TYMS: variants seen among roughly 807,000 people sequenced by gnomAD.
The protein encoded by TYMS is thymidylate synthetase.
In TYMS, 21 loss-of-function variants were observed where a neutral mutation model predicts 39.3. The ratio of observed to expected loss-of-function variants is 0.54; its 90% CI spans 0.38 to 0.77. The LOEUF (loss-of-function observed/expected upper bound fraction) is 0.77. Ranked by LOEUF, TYMS falls within the 30% of genes least tolerant of loss-of-function variation. The pLI, the probability that TYMS is intolerant of heterozygous loss-of-function variation, is 0.00. For synonymous variants in TYMS, 171 were observed against 162.2 expected, an observed-to-expected ratio of 1.05 and a Z score of -0.41; for missense variants, 273 against 406.7, an observed-to-expected ratio of 0.67 and a Z score of 2.83.
Position 657,795 on chromosome 18 carries a change from A to G in TYMS, c.53A>G (p.Gln18Arg), listed in dbSNP as rs1244183309. 9 of 1,459,304 alleles carry G rather than the reference A, an allele frequency of 6.2e-6. No individual in the cohort carries two copies. The African/African-American group carries it at 1.4e-4, about 22-fold the overall frequency. The allele number at this position is 1,459,304 out of a possible 1,614,324, so 90.4% of individuals were successfully genotyped here. The change falls in exon 1 of 7, where the codon CAG (glutamine) becomes CGG (arginine). Residue 18 changes from glutamine (Q) to arginine (R), a missense_variant. Physicochemically the swap from Gln to Arg is conservative, Grantham distance 43. Coordinates refer to ENST00000323274, the MANE Select transcript of TYMS (RefSeq NM_001071.4). ...LPRRPLPPAA[Q>R]ERDAEPRPPH... is the part of the protein sequence containing the mutation. ...CGCCGGCCCTTGCCCCCCGCCGCACAGGAGCGGGACGCCGAGCCGCGTCCG... is the reference window on the plus strand; with the variant it reads ...CGCCGGCCCTTGCCCCCCGCCGCACGGGAGCGGGACGCCGAGCCGCGTCCG...
At chr18:666,974 GAGATGGA>G (rs1567989679) in intron 3 of TYMS, among the ~76,000 whole-genome samples, 10 of 8,626 alleles carry the variant, frequency 1.2e-3, no homozygotes, top group Non-Finnish European at 2.4e-3. Context: ...GATGGTGATG[GAGATGGA>G]GATGGTGATG....
chr18:666,891 A>AGATGGTGATGGTGATGGAGATGGTGATGG (rs140212927), intron 3 of TYMS, among the ~76,000 whole-genome samples: 2 of 62,146 alleles, frequency 3.2e-5, no homozygotes, highest in Admixed American at 1.3e-4. Flanking sequence ...AAAGTTCGGG[A>AGATGGTGATGGTGATGGAGATGGTGATGG]GATGGTGATG....
intron 3 of TYMS, 77 bp from the exon 4 acceptor site, chr18:668,995 T>C (rs2074922001): frequency 1.6e-6 from 2 of 1,218,390 alleles, no homozygotes; most frequent in Admixed American, 1.8e-5. Context: ...GAGACTGTAA[T>C]AGATGACCTC....
rs1300447329 is a variant in TYMS, at chr18:669,104, A to G, written c.487A>G (p.Arg163Gly). 2 of 1,614,230 alleles carry G rather than the reference A, an allele frequency of 1.2e-6. No individual in the cohort carries two copies. Among genetic ancestry groups the G allele is most frequent in the Non-Finnish European group, 1.7e-6 (2 of 1,180,024 alleles). The change falls in exon 4 of 7, where the codon AGA (arginine) becomes GGA (glycine). Residue 163 changes from arginine to glycine, a missense_variant. Arg to Gly is a moderately radical substitution (Grantham distance 125, BLOSUM62 -2). Around this residue, in one of 3 missense-constraint regions of TYMS, gnomAD observed 228 missense variants for 326.1 expected, o/e 0.70. Coordinates refer to ENST00000323274, the MANE Select transcript of TYMS (RefSeq NM_001071.4). ...YSGQGVDQLQ[R>G]VIDTIKTNPD... The stretch of plus-strand genomic sequence containing the variant: ...AGGACAGGGAGTTGACCAACTGCAA[A>G]GAGTGATTGACACCATCAAAACCAA...
intron 3 of TYMS, among the ~76,000 whole-genome samples, chr18:665,070 T>C (rs1338704408): frequency 6.6e-6 from 1 of 152,044 alleles, no homozygotes; most frequent in African/African-American, 2.4e-5. Context: ...TTTCTATTGA[T>C]TGGAATAGTT....
chr18:667,503 GGT>G lies in TYMS; in HGVS notation c.455-1567_455-1566del, dbSNP rs1282407601. Among the ~76,000 whole-genome samples the G allele has an allele frequency of 6.1e-4, 33 of 53,814 alleles. 7 individuals carry two copies. The highest frequency in any genetic ancestry group is 8.0e-4 in the Non-Finnish European group (24 of 29,896). The allele number at this position is 53,814 out of a possible 152,430, so 35.3% of individuals were successfully genotyped here. A position where few individuals can be genotyped will look rare whatever the true frequency, so the allele number is the denominator to read the frequency against. ...TGGTGATGGTGATGGTGATGGAGAT[GGT>G]GATGGTGATGGTGATGGTGATGGAG... is the stretch of plus-strand genomic sequence containing the variant. On this transcript the variant is annotated intron_variant, in intron 3 of 6. Coordinates refer to ENST00000323274, the MANE Select transcript of TYMS (RefSeq NM_001071.4).
intron 2 of TYMS, among the ~76,000 whole-genome samples, chr18:661,629 C>T (rs1349838903): frequency 6.6e-6 from 1 of 152,144 alleles, no homozygotes; most frequent in East Asian, 1.9e-4. Context: ...AGGGTGGTTC[C>T]AAAGAAGGGA....
intron 3 of TYMS, among the ~76,000 whole-genome samples, chr18:665,106 T>C (rs534779522): frequency 2.0e-5 from 3 of 151,320 alleles, no homozygotes; most frequent in Non-Finnish European, 3.0e-5. Context: ...CCAGTTCCTC[T>C]TTGTACCTCT....
intron 3 of TYMS, among the ~76,000 whole-genome samples, chr18:667,553 A>AGATGGTGATGGT (rs1327773362): frequency 2.7e-4 from 5 of 18,596 alleles, no homozygotes; most frequent in African/African-American, 5.4e-4. Context: ...ATGGTGATGG[A>AGATGGTGATGGT]GATGGTGATG....
chr18:671,373 T>G lies in TYMS; in HGVS notation c.733-7T>G, dbSNP rs769277885. 1.5e-5 allele frequency: 24 copies of G among 1,598,542 alleles called. No homozygotes were observed. In the Admixed American group the frequency reaches 2.3e-4, roughly 16 times the overall value. On this transcript the variant is annotated splice_region_variant and splice_polypyrimidine_tract_variant and intron_variant, in intron 5 of 6. Coordinates refer to ENST00000323274, the MANE Select transcript of TYMS (RefSeq NM_001071.4). Reference sequence around the variant, plus strand: ...ATACTGTTCTGCTTTCTCCCCCGGGTTTATAGCCAGGTGACTTTATACACA... The same window carrying G: ...ATACTGTTCTGCTTTCTCCCCCGGGGTTATAGCCAGGTGACTTTATACACA...
chr18:672,848 T>C lies in TYMS; in HGVS notation c.805-12T>C. ...CAATTATGGCAAAATAATGGCCTTA[T>C]TTTGTTTTTAGCTTCAGCGAGAACC... On this transcript the variant is annotated splice_polypyrimidine_tract_variant and intron_variant, in intron 6 of 6. Transcript: ENST00000323274. The C allele has an allele frequency of 6.5e-7, 1 of 1,549,938 alleles. No individual in the cohort carries two copies. Among genetic ancestry groups the C allele is most frequent in the Non-Finnish European group, 8.8e-7 (1 of 1,134,268 alleles).
intron 6 of TYMS, chr18:672,506 G>GT (rs2075107574): frequency 5.9e-6 from 1 of 169,836 alleles, no homozygotes; most frequent in South Asian, 1.7e-4. Flanking sequence ...GGACAGATGG[G>GT]TTAGGGATTG....
intron 5 of TYMS, 112 bp downstream of exon 5, chr18:670,979 A>G (rs940918157): frequency 3.3e-5 from 43 of 1,309,964 alleles, no homozygotes; most frequent in Admixed American, 1.5e-4. Context: ...TTTAAATTTG[A>G]TATGTGTAAG....
At position 660,520 on chromosome 18, in the gene TYMS, G is replaced by A. The variant is rs527247198; in HGVS notation, c.279+806G>A. Reference sequence around the variant, plus strand: ...TGTTTCTCGTGTTCACTGTTGTATCGCCAGGGCCTCAAACACAGCCTGCCA... The same window carrying A: ...TGTTTCTCGTGTTCACTGTTGTATCACCAGGGCCTCAAACACAGCCTGCCA... On this transcript the variant is annotated intron_variant, in intron 2 of 6. Transcript: ENST00000323274. The surrounding 1 kb of genome is among the most constrained non-coding windows in gnomAD (Gnocchi z 4.6). 4.6e-5 allele frequency among the ~76,000 whole-genome samples: 7 copies of A among 152,164 alleles called. No individual in the cohort carries two copies. Among genetic ancestry groups the A allele is most frequent in the East Asian group, 3.9e-4 (2 of 5,190 alleles).
At position 671,454 on chromosome 18, in the gene TYMS, A is replaced by G; in HGVS notation, c.804+3A>G. 2 of 1,601,258 alleles carry G rather than the reference A, an allele frequency of 1.2e-6. No homozygotes were observed. Among genetic ancestry groups the G allele is most frequent in the Non-Finnish European group, 1.7e-6 (2 of 1,169,286 alleles). On this transcript the variant is annotated splice_donor_region_variant and intron_variant, in intron 6 of 6. Coordinates refer to ENST00000323274, the MANE Select transcript of TYMS (RefSeq NM_001071.4). Reference sequence around the variant, plus strand: ...ACATCGAGCCACTGAAAATTCAGGTAAGAATTAGATGTTATACTTTTGGGT... The same window carrying G: ...ACATCGAGCCACTGAAAATTCAGGTGAGAATTAGATGTTATACTTTTGGGT...
Position 670,834 on chromosome 18 carries a change from CACGTACATGATT to C in TYMS, c.700_711del (p.Thr234_Ile237del). On this transcript the variant is annotated inframe_deletion, in exon 5 of 7. Coordinates refer to ENST00000323274, the MANE Select transcript of TYMS (RefSeq NM_001071.4). ...TCAACATCGCCAGCTACGCCCTGCTCACGTACATGATTGCGCACATCACGGGCCTGAAGGTGG... is the reference window on the plus strand; with the variant it reads ...TCAACATCGCCAGCTACGCCCTGCTCGCGCACATCACGGGCCTGAAGGTGG... The C allele has an allele frequency of 6.2e-7, 1 of 1,614,038 alleles. No homozygotes were observed.
Position 667,625 on chromosome 18 carries a change from G to GTGA in TYMS, c.455-1444_455-1442dup, listed in dbSNP as rs1413825235. 2.7e-5 allele frequency: 4 copies of GTGA among 149,878 alleles called. 1 individual carries two copies. The highest frequency in any genetic ancestry group is 9.9e-5 in the African/African-American group (4 of 40,302). The allele number at this position is 149,878 out of a possible 1,614,324, so 9.3% of individuals were successfully genotyped here. On this transcript the variant is annotated intron_variant, in intron 3 of 6. Transcript: ENST00000323274. Reference sequence around the variant, plus strand: ...GTGATGGTGATGGAGATGGGTGATGGTGATGGTTGCCTAACATCAGGAACG... The same window carrying GTGA: ...GTGATGGTGATGGAGATGGGTGATGGTGATGATGGTTGCCTAACATCAGGAACG...
rs913035473 is a variant in TYMS at position 673,379 on chromosome 18, A to G, written c.*382A>G. The G allele has an allele frequency of 1.8e-5, 4 of 227,174 alleles. No individual in the cohort carries two copies. The East Asian group carries it at 2.6e-4, about 15-fold the overall frequency. 14.1% of individuals were successfully genotyped at this position (227,174 alleles called of 1,614,324 possible). ...GAATATTTTAAGAATTTCACAAGCT[A>G]TTCCCTCAAATCTGAGGGAGCTGAG... is the stretch of plus-strand genomic sequence containing the variant. On this transcript the variant is annotated 3_prime_UTR_variant, in exon 7 of 7. Transcript: ENST00000323274.
At chr18:669,966 A>AAAAC (rs1309604898) in intron 4 of TYMS, among the ~76,000 whole-genome samples, 1 of 151,820 alleles carries the variant, frequency 6.6e-6, no homozygotes, top group Non-Finnish European at 1.5e-5. Context: ...TGAATATTTA[A>AAAAC]AAACAACAAC....
Sources: allele counts gnomAD v4.1 joint callset (sites outside exome capture counted in the v4.1 genomes callset), GRCh38; gene constraint gnomAD v4.1.1; regional missense constraint gnomAD v4.1.1; non-coding constraint Gnocchi (gnomAD v3.1); transcripts MANE v1.5; gene names NCBI Gene and HGNC (gene_info 2026-07-23, HGNC 2026-07-21).